Variants in PCDH17 observed in about 807,000 individuals in gnomAD.
PCDH17 encodes the protein protocadherin 17, also known as protocadherin-17.
Under a neutral mutation model 67.7 loss-of-function variants are expected in PCDH17, and 21 were observed. That is an observed-to-expected ratio of 0.31 (90% CI 0.22 to 0.45). The LOEUF (loss-of-function observed/expected upper bound fraction) is 0.45. PCDH17 is among the 20% of genes least tolerant of loss of function. The probability of loss-of-function intolerance (pLI) is 1.00; values close to 1 mark genes in which losing one functional copy is unlikely to be tolerated. For synonymous variants in PCDH17, 701 were observed against 656.7 expected (o/e 1.07, Z -1.03); for missense variants, 1,471 against 1,564.8 (o/e 0.94, Z 1.01).
At chr13:57,724,214 C>T (rs1955893976) in intron 3 of PCDH17, among the ~76,000 whole-genome samples, 1 of 152,088 alleles carries the variant, frequency 6.6e-6, no homozygotes, top group Non-Finnish European at 1.5e-5. Context: ...CCAGTTTTTG[C>T]CTTGTTATTT....
intron 1 of PCDH17, among the ~76,000 whole-genome samples, chr13:57,645,598 T>C (rs1269629650): frequency 6.6e-6 from 1 of 151,440 alleles, no homozygotes; most frequent in East Asian, 1.9e-4. Flanking sequence ...ATTTTATTAA[T>C]AATATTACAA....
At chr13:57,656,610 G>A (rs1420260567) in intron 1 of PCDH17, among the ~76,000 whole-genome samples, 4 of 152,072 alleles carry the variant, frequency 2.6e-5, no homozygotes, top group South Asian at 2.1e-4. Flanking sequence ...ATTTCTTTCA[G>A]TGGGAAAAGT....
chr13:57,658,628 T>C (rs1350494878), intron 1 of PCDH17, among the ~76,000 whole-genome samples: 2 of 152,188 alleles, frequency 1.3e-5, no homozygotes, highest in Non-Finnish European at 2.9e-5. Context: ...CTGCCTATGT[T>C]CTGAGCTAAA....
At chr13:57,630,654 G>A (rs971444524), upstream of PCDH17, among the ~76,000 whole-genome samples, 23 of 152,212 alleles carry the variant, frequency 1.5e-4, no homozygotes, top group African/African-American at 5.5e-4. Context: ...AAGAGGTAGA[G>A]TAAAAGTGCT....
chr13:57,682,718 G>A (rs933603005), intron 3 of PCDH17, among the ~76,000 whole-genome samples: 2 of 151,714 alleles, frequency 1.3e-5, no homozygotes, highest in East Asian at 3.9e-4. Context: ...TATTCCCAAT[G>A]ACTAGTTTAA....
At chr13:57,702,172 C>T (rs1399100203) in intron 3 of PCDH17, among the ~76,000 whole-genome samples, 2 of 152,082 alleles carry the variant, frequency 1.3e-5, no homozygotes, top group Non-Finnish European at 2.9e-5. Flanking sequence ...CCGCCTCGGC[C>T]TCCCAAAGTG....
At chr13:57,631,698 T>C (rs1260132086), upstream of PCDH17, 2 of 152,308 alleles carry the variant, frequency 1.3e-5, no homozygotes, top group East Asian at 3.9e-4. Context: ...GGGAGGAGCC[T>C]GGTGGGGAGA....
Position 57,632,453 on chromosome 13 carries a change from C to A in PCDH17, c.-94C>A. 7.6e-7 allele frequency: 1 copy of A among 1,315,682 alleles called. No individual in the cohort carries two copies. Among genetic ancestry groups the A allele is most frequent in the Non-Finnish European group, 1.0e-6 (1 of 969,600 alleles). 81.5% of individuals were successfully genotyped at this position (1,315,682 alleles called of 1,614,324 possible). On this transcript the variant is annotated 5_prime_UTR_variant, in exon 1 of 4. Coordinates refer to ENST00000377918, the MANE Select transcript of PCDH17 (RefSeq NM_001040429.3). The stretch of plus-strand genomic sequence containing the variant: ...ACCCATAGACTTGTGGCTCGCGTCG[C>A]GCGCGCACGCTGCGCCAGGGCCCCA...
chr13:57,707,946 C>T (rs188658407), intron 3 of PCDH17, among the ~76,000 whole-genome samples: 1 of 152,058 alleles, frequency 6.6e-6, no homozygotes. Flanking sequence ...TCTGCAGAGA[C>T]CCTATTTCCA....
chr13:57,632,466 C>G lies in PCDH17; in HGVS notation c.-81C>G. 2.8e-6 allele frequency: 4 copies of G among 1,431,208 alleles called. No individual in the cohort carries two copies. Among genetic ancestry groups the G allele is most frequent in the Non-Finnish European group, 3.8e-6 (4 of 1,064,286 alleles). The allele number at this position is 1,431,208 out of a possible 1,614,324, so 88.7% of individuals were successfully genotyped here. On this transcript the variant is annotated 5_prime_UTR_variant, in exon 1 of 4. Transcript: ENST00000377918. ...TGGCTCGCGTCGCGCGCGCACGCTGCGCCAGGGCCCCAGGCTGGCGCGCAC... is the reference window on the plus strand; with the variant it reads ...TGGCTCGCGTCGCGCGCGCACGCTGGGCCAGGGCCCCAGGCTGGCGCGCAC...
At chr13:57,717,474 C>T (rs1231520268) in intron 3 of PCDH17, among the ~76,000 whole-genome samples, 2 of 151,892 alleles carry the variant, frequency 1.3e-5, no homozygotes, top group African/African-American at 2.4e-5. Context: ...TTTACTATGT[C>T]CAAAGGGTCA....
Position 57,632,794 on chromosome 13 carries a change from T to A in PCDH17, c.248T>A (p.Leu83His). Residue 83 changes from leucine (L) to histidine (H), a missense_variant, in exon 1 of 4, where the codon CTC becomes CAC. Transcript: ENST00000377918. ...CTGGACGTGGACGCAGACAGCGGGC[T>A]CCTCTACACCAAGCAGCGCATCGAC... is the stretch of plus-strand genomic sequence containing the variant. Reference protein sequence around the residue: ...HLLDVDADSGLLYTKQRIDRE... With the variant: ...HLLDVDADSGHLYTKQRIDRE... 6.2e-7 allele frequency: 1 copy of A among 1,613,280 alleles called. No homozygotes were observed. The highest frequency in any genetic ancestry group is 8.5e-7 in the Non-Finnish European group (1 of 1,179,930).
chr13:57,717,105 G>A (rs976974045), intron 3 of PCDH17, among the ~76,000 whole-genome samples: 11 of 151,842 alleles, frequency 7.2e-5, no homozygotes, highest in African/African-American at 2.7e-4. Context: ...AGTTCTCTTC[G>A]GGGTACCTGT....
At chr13:57,640,276 G>GA (rs1471921568) in intron 1 of PCDH17, among the ~76,000 whole-genome samples, 1 of 151,826 alleles carries the variant, frequency 6.6e-6, no homozygotes, top group Admixed American at 6.6e-5. Flanking sequence ...CATACATTAA[G>GA]AAAAAATATA....
chr13:57,666,509 G>T lies in PCDH17; in HGVS notation c.2607G>T (p.Arg869Ser). 1 of 1,613,872 alleles carries T rather than the reference G, an allele frequency of 6.2e-7. No individual in the cohort carries two copies. The highest frequency in any genetic ancestry group is 8.5e-7 in the Non-Finnish European group (1 of 1,179,858). The change falls in exon 2 of 4, where the codon AGG (arginine) becomes AGT (serine). Residue 869 changes from arginine (R) to serine (S), a missense_variant. By Grantham distance (110) the Arg-to-Ser change is moderately radical. Coordinates refer to ENST00000377918, the MANE Select transcript of PCDH17 (RefSeq NM_001040429.3). ...CAGAGCCCAATTACATGGGCAGCAG[G>T]CAGCAGTTTGTTCAAAGGTAAGGCC... ...FPAEPNYMGS[R>S]QQFVQSSSTF...
intron 3 of PCDH17, among the ~76,000 whole-genome samples, chr13:57,717,810 G>C (rs1196761326): frequency 2.0e-5 from 3 of 151,978 alleles, no homozygotes; most frequent in African/African-American, 7.2e-5. Context: ...CAGATTAGCA[G>C]TGTATACTCC....
chr13:57,705,786 C>T (rs541211950), intron 3 of PCDH17, among the ~76,000 whole-genome samples: 18 of 152,100 alleles, frequency 1.2e-4, no homozygotes, highest in African/African-American at 4.3e-4. Flanking sequence ...GAGGCCGAGG[C>T]GGGTGGATCA....
At chr13:57,672,577 C>T (rs1387496761) in intron 3 of PCDH17, among the ~76,000 whole-genome samples, 2 of 151,942 alleles carry the variant, frequency 1.3e-5, no homozygotes, top group African/African-American at 2.4e-5. Context: ...GGCTCGTGCC[C>T]ACCTGGGGAC....
At chr13:57,678,054 TAA>T (rs1955412152) in intron 3 of PCDH17, among the ~76,000 whole-genome samples, 2 of 151,728 alleles carry the variant, frequency 1.3e-5, no homozygotes, top group Non-Finnish European at 2.9e-5. Context: ...CTGTGGATGT[TAA>T]GTGTTCTCCC....
Sources: gnomAD v4.1 joint callset for allele counts (sites outside exome capture counted in the v4.1 genomes callset) on GRCh38, gnomAD v4.1.1 for gene constraint, MANE v1.5 for transcripts, NCBI Gene and HGNC (gene_info 2026-07-23, HGNC 2026-07-21) for gene names.